FANCD2: variants seen among roughly 807,000 people sequenced by gnomAD.
FANCD2 encodes Fanconi anemia group D2 protein.
FANCD2 carries 131 observed loss-of-function variants against 192.3 expected under a neutral mutation model. That is an observed-to-expected ratio of 0.68 (90% CI 0.59 to 0.79). FANCD2 has a LOEUF of 0.79. Ranked by LOEUF, FANCD2 falls within the 30% of genes least tolerant of loss-of-function variation. The probability of loss-of-function intolerance (pLI) is 0.00; values close to 1 mark genes in which losing one functional copy is unlikely to be tolerated. For missense variants in FANCD2, 1,508 were observed against 1,701.6 expected, an observed-to-expected ratio of 0.89 and a Z score of 2.00; for synonymous variants, 524 against 612.5, an observed-to-expected ratio of 0.86 and a Z score of 2.13.
chr3:10,051,737 A>T (rs2087226144), intron 17 of FANCD2, among the ~76,000 whole-genome samples: 2 of 152,212 alleles, frequency 1.3e-5, no homozygotes, highest in East Asian at 1.9e-4. Flanking sequence ...GGAGATTTTT[A>T]AAAATTAATT....
At chr3:10,048,108 A>G (rs1405134264) in intron 16 of FANCD2, 57 bp downstream of exon 16, 3 of 1,609,828 alleles carry the variant, frequency 1.9e-6, no homozygotes, top group Non-Finnish European at 8.5e-7. Flanking sequence ...AAATAATCTG[A>G]TGTTTATTTC....
chr3:10,075,111 T>C (rs573493262), intron 29 of FANCD2, among the ~76,000 whole-genome samples: 18 of 152,340 alleles, frequency 1.2e-4, no homozygotes, highest in African/African-American at 4.1e-4. Flanking sequence ...AGCATCATGC[T>C]TGCTTTCAAA....
At chr3:10,059,048 C>G (rs1488994231) in intron 18 of FANCD2, among the ~76,000 whole-genome samples, 1 of 152,100 alleles carries the variant, frequency 6.6e-6, no homozygotes, top group African/African-American at 2.4e-5. Flanking sequence ...ATGTCTGGCT[C>G]TGTCACCCAG....
chr3:10,088,955 G>A lies in FANCD2; in HGVS notation c.3683+5G>A, dbSNP rs1227232776. On this transcript the variant is annotated splice_donor_5th_base_variant and intron_variant, in intron 36 of 43. Transcript: ENST00000675286. ...CACATTCCCTACACTGACCAGGTAA[G>A]GGAGTTCTTTCCTCCAGTTTTTCCC... The A allele has an allele frequency of 1.3e-5, 21 of 1,613,868 alleles. No homozygotes were observed. The Admixed American group carries it at 3.5e-4, about 27-fold the overall frequency.
At chr3:10,086,929 C>G (rs367856025) in intron 33 of FANCD2, among the ~76,000 whole-genome samples, 12 of 152,284 alleles carry the variant, frequency 7.9e-5, no homozygotes, top group African/African-American at 2.6e-4. Flanking sequence ...GTGGGGCTGT[C>G]TTCTGCCCTG....
chr3:10,031,303 A>T (rs1390982246), intron 2 of FANCD2, among the ~76,000 whole-genome samples: 14 of 152,120 alleles, frequency 9.2e-5, no homozygotes. Flanking sequence ...GGAGATTGAG[A>T]CCATCTTGGC....
Position 10,062,228 on chromosome 3 carries a change from C to G in FANCD2, c.1827+17C>G. The G allele has an allele frequency of 1.9e-6, 3 of 1,605,938 alleles. No homozygotes were observed. Among genetic ancestry groups the G allele is most frequent in the Non-Finnish European group, 2.6e-6 (3 of 1,174,374 alleles). ...TGCACACAGGTGAGTTCTTTTTTTC[C>G]TTTCTTTCTTTTTCCTGTCTTTTTT... On this transcript the variant is annotated intron_variant, in intron 20 of 43. Coordinates refer to ENST00000675286, the MANE Select transcript of FANCD2 (RefSeq NM_001018115.3).
At position 10,032,989 on chromosome 3, in the gene FANCD2, AT is replaced by A; in HGVS notation, c.205+21del. 6.5e-7 allele frequency: 1 copy of A among 1,534,028 alleles called. No homozygotes were observed. Among genetic ancestry groups the A allele is most frequent in the Non-Finnish European group, 9.0e-7 (1 of 1,108,156 alleles). On this transcript the variant is annotated intron_variant, in intron 3 of 43. Coordinates refer to ENST00000675286, the MANE Select transcript of FANCD2 (RefSeq NM_001018115.3). ...ATCAACTAGGTAATATTTTAATCTAATTTTATTCTCTGGGTTTAATGAAATA... is the reference window on the plus strand; with the variant it reads ...ATCAACTAGGTAATATTTTAATCTAATTTATTCTCTGGGTTTAATGAAATA...
intron 32 of FANCD2, 120 bp downstream of exon 32, chr3:10,081,584 C>A: frequency 2.5e-6 from 2 of 811,732 alleles, no homozygotes; most frequent in Non-Finnish European, 4.3e-6. Context: ...GAATATGGTT[C>A]ATTAATTTTG....
intron 32 of FANCD2, 93 bp from the exon 33 acceptor site, chr3:10,085,719 A>G: frequency 1.2e-6 from 1 of 851,538 alleles, no homozygotes; most frequent in East Asian, 2.5e-5. Context: ...CCGTTAAACT[A>G]TTGATGGTAC....
chr3:10,069,256 T>G (rs1474377852), intron 26 of FANCD2, among the ~76,000 whole-genome samples: 2 of 146,518 alleles, frequency 1.4e-5, no homozygotes, highest in African/African-American at 5.5e-5. Flanking sequence ...AAACTATGTA[T>G]CTGACAAGGG....
intron 18 of FANCD2, 97 bp from the exon 19 acceptor site, chr3:10,060,197 T>G: frequency 1.3e-6 from 1 of 784,666 alleles, no homozygotes. Context: ...TAGTAAACGG[T>G]AAACGCCTTT....
At chr3:10,053,927 G>A (rs1296475847) in intron 18 of FANCD2, among the ~76,000 whole-genome samples, 3 of 152,184 alleles carry the variant, frequency 2.0e-5, no homozygotes, top group Admixed American at 6.5e-5. Flanking sequence ...TTGTTTGTGG[G>A]CGCCATTCAC....
At position 10,042,421 on chromosome 3, in the gene FANCD2, A is replaced by G. The variant is rs1175212535; in HGVS notation, c.784-138A>G. On this transcript the variant is annotated intron_variant, in intron 10 of 43. Transcript: ENST00000675286. ...GATTCTAATTTGGGGAAAAATCTAA[A>G]ATTTTGTTTTTCCCTAAATTATAAG... 1.6e-5 allele frequency: 12 copies of G among 729,864 alleles called. No individual in the cohort carries two copies. In the Admixed American group the frequency reaches 1.8e-4, roughly 11 times the overall value. The allele number at this position is 729,864 out of a possible 1,614,324, so 45.2% of individuals were successfully genotyped here.
chr3:10,052,632 C>T, intron 18 of FANCD2, 135 bp downstream of exon 18: 2 of 679,064 alleles, frequency 2.9e-6, no homozygotes, highest in Non-Finnish European at 5.3e-6. Context: ...GATTCTCCTG[C>T]CTCAGCCTCC....
intron 2 of FANCD2, among the ~76,000 whole-genome samples, chr3:10,029,205 A>G (rs769153567): frequency 1.3e-5 from 2 of 152,222 alleles, no homozygotes; most frequent in African/African-American, 4.8e-5. Flanking sequence ...AGTTCCAGAT[A>G]TAAGGAGTTG....
At chr3:10,093,136 C>G in intron 38 of FANCD2, 149 bp from the exon 39 acceptor site, 1 of 669,366 alleles carries the variant, frequency 1.5e-6, no homozygotes. Flanking sequence ...TTACTTTATT[C>G]TGCTTTGTAA....
intron 38 of FANCD2, 131 bp from the exon 39 acceptor site, chr3:10,093,154 T>G (rs1220810339): frequency 1.3e-5 from 9 of 716,266 alleles, no homozygotes; most frequent in Admixed American, 6.7e-5. Context: ...TAATATTAAT[T>G]TAAATGTTGA....
chr3:10,066,090 G>A, intron 25 of FANCD2, 111 bp downstream of exon 25: 1 of 718,178 alleles, frequency 1.4e-6, no homozygotes, highest in Non-Finnish European at 2.5e-6. Context: ...TAACCCCCGT[G>A]TGCTTCTCTA....
Sources: gnomAD v4.1 joint callset for allele counts (sites outside exome capture counted in the v4.1 genomes callset) on GRCh38, gnomAD v4.1.1 for gene constraint, MANE v1.5 for transcripts, NCBI Gene and HGNC (gene_info 2026-07-23, HGNC 2026-07-21) for gene names.